Variants in PCNX2 observed in about 807,000 individuals in gnomAD.
The protein encoded by PCNX2 is pecanex-like protein 2.
In PCNX2, 168 loss-of-function variants were observed where a neutral mutation model predicts 223.8. The ratio of observed to expected loss-of-function variants is 0.75; its 90% CI spans 0.66 to 0.85. The LOEUF (loss-of-function observed/expected upper bound fraction) is 0.85, where lower values mean the gene tolerates loss of function less well. PCNX2 is among the 40% of genes least tolerant of loss of function. The pLI, the probability that PCNX2 is intolerant of heterozygous loss-of-function variation, is 0.00. For synonymous variants in PCNX2, 1,006 were observed against 1,052.6 expected (o/e 0.96, Z 0.86); for missense variants, 2,507 against 2,675.5 (o/e 0.94, Z 1.39).
intron 15 of PCNX2, among the ~76,000 whole-genome samples, chr1:233,193,727 G>T (rs555541982): frequency 2.0e-5 from 3 of 152,050 alleles, no homozygotes; most frequent in Non-Finnish European, 1.5e-5. Context: ...GGGTAATTTC[G>T]AAAGAAAAAT....
At chr1:233,223,584 C>T (rs1431496404) in intron 10 of PCNX2, among the ~76,000 whole-genome samples, 1 of 152,226 alleles carries the variant, frequency 6.6e-6, no homozygotes, top group East Asian at 1.9e-4. Flanking sequence ...CGTGCATTAG[C>T]TATTTGTCCG....
At chr1:233,112,981 A>T in intron 21 of PCNX2, 1 of 1,289,302 alleles carries the variant, frequency 7.8e-7, no homozygotes, top group South Asian at 1.2e-5. Flanking sequence ...GGAGGAGAAG[A>T]CAAGAAAGTG....
At chr1:233,111,944 G>A (rs1159908397) in intron 21 of PCNX2, among the ~76,000 whole-genome samples, 2 of 152,132 alleles carry the variant, frequency 1.3e-5, no homozygotes, top group Non-Finnish European at 2.9e-5. Flanking sequence ...GAATTTTTCC[G>A]ATTACTTCAT....
chr1:233,312,058 G>A, the PCNX2 span, among the ~76,000 whole-genome samples: 15 of 152,202 alleles, frequency 9.9e-5, no homozygotes, highest in African/African-American at 3.6e-4. Flanking sequence ...AACCCGGGAG[G>A]CGGAGGTTGC....
chr1:232,984,080 T>C lies in PCNX2; in HGVS notation c.*224A>G, dbSNP rs1418481608. ...GTTGCTTTTTTTTGTTTCCCCATCA[T>C]GTGAGGTTTTTTTGTTGTTGTTGTT... On this transcript the variant is annotated 3_prime_UTR_variant, in exon 34 of 34. Transcript: ENST00000258229. 2 of 412,162 alleles carry C rather than the reference T, an allele frequency of 4.9e-6. No homozygotes were observed. The highest frequency in any genetic ancestry group is 4.1e-6 in the Non-Finnish European group (1 of 244,558). 25.5% of individuals were successfully genotyped at this position (412,162 alleles called of 1,614,324 possible).
At position 233,001,404 on chromosome 1, in the gene PCNX2, G is replaced by A. The variant is rs113668455; in HGVS notation, c.5097+133C>T. On this transcript the variant is annotated intron_variant, in intron 29 of 33. Coordinates refer to ENST00000258229, the MANE Select transcript of PCNX2 (RefSeq NM_014801.4). This position sits in a 1 kb window ranked among gnomAD's most constrained non-coding sequence, Gnocchi z 4.2. ...TGTGGCAGGAGAATCGCTTGAACCC[G>A]GGAGGTGGAGGTTGTGGTGAGCCGA... The A allele has an allele frequency of 1.5e-5, 6 of 411,482 alleles. No individual in the cohort carries two copies. The highest frequency in any genetic ancestry group is 2.2e-5 in the African/African-American group (1 of 46,054). 25.5% of individuals were successfully genotyped at this position (411,482 alleles called of 1,614,324 possible).
At chr1:233,067,595 T>A (rs113268325) in intron 23 of PCNX2, among the ~76,000 whole-genome samples, 1,708 of 151,866 alleles carry the variant, frequency 0.011, 30 homozygotes, top group African/African-American at 0.039. Context: ...CACCTCAACC[T>A]CCCAAGTAAG....
intron 13 of PCNX2, among the ~76,000 whole-genome samples, chr1:233,208,229 G>T (rs934896684): frequency 1.3e-5 from 2 of 152,182 alleles, no homozygotes; most frequent in African/African-American, 4.8e-5. Context: ...GAAGTGCTAG[G>T]ATTACAGGTG....
chr1:233,028,545 T>C (rs1671161066), intron 25 of PCNX2, among the ~76,000 whole-genome samples: 1 of 152,238 alleles, frequency 6.6e-6, no homozygotes, highest in Admixed American at 6.5e-5. Flanking sequence ...CCAGGTTTCC[T>C]ATAATTAGTG....
intron 12 of PCNX2, chr1:233,210,419 A>T (rs978869204): frequency 1.5e-4 from 26 of 171,910 alleles, no homozygotes; most frequent in Admixed American, 4.6e-4. Flanking sequence ...CTGGGACTAC[A>T]GGCACCCGCC....
chr1:233,255,190 T>G (rs979394224), intron 5 of PCNX2, among the ~76,000 whole-genome samples: 1 of 152,084 alleles, frequency 6.6e-6, no homozygotes, highest in African/African-American at 2.4e-5. Context: ...CCATAATAAT[T>G]AGCCCGAAAT....
intron 28 of PCNX2, among the ~76,000 whole-genome samples, chr1:233,010,603 T>C (rs1052497278): frequency 1.3e-5 from 2 of 152,214 alleles, no homozygotes; most frequent in African/African-American, 4.8e-5. Flanking sequence ...TATTTTGACT[T>C]CCTACTAAAA....
chr1:233,022,925 G>A (rs971512095), intron 26 of PCNX2, among the ~76,000 whole-genome samples: 1 of 151,970 alleles, frequency 6.6e-6, no homozygotes, highest in African/African-American at 2.4e-5. Flanking sequence ...TTGAACTCCC[G>A]ACCTCAAGTG....
chr1:233,074,250 C>T (rs928139771), intron 23 of PCNX2, among the ~76,000 whole-genome samples: 20 of 152,032 alleles, frequency 1.3e-4, no homozygotes, highest in African/African-American at 2.9e-4. Flanking sequence ...AGTTTATGTA[C>T]GCTTGAAAAG....
intron 13 of PCNX2, among the ~76,000 whole-genome samples, chr1:233,203,497 T>G (rs570266649): frequency 6.6e-6 from 1 of 152,310 alleles, no homozygotes; most frequent in South Asian, 2.1e-4. Flanking sequence ...TGAGGGATCA[T>G]AAAAGAAAAA....
At chr1:233,195,254 C>T (rs1572055311) in intron 15 of PCNX2, among the ~76,000 whole-genome samples, 2 of 151,928 alleles carry the variant, frequency 1.3e-5, no homozygotes, top group South Asian at 4.1e-4. Flanking sequence ...AAAAAAGTGA[C>T]AAAATTTAAC....
Position 233,067,848 on chromosome 1 carries a change from C to T in PCNX2, c.4077-10558G>A, listed in dbSNP as rs141309508. Among the ~76,000 whole-genome samples the T allele has an allele frequency of 5.1e-3, 782 of 152,104 alleles. 6 individuals carry two copies. The highest frequency in any genetic ancestry group is 0.017 in the African/African-American group (721 of 41,468). On this transcript the variant is annotated intron_variant, in intron 23 of 33. Coordinates refer to ENST00000258229, the MANE Select transcript of PCNX2 (RefSeq NM_014801.4). ...AGAAAAGAATCATTGAACTGGAAGA[C>T]AGAACAACAGACTGCTGTCTGCAAT...
Position 233,267,800 on chromosome 1 carries a change from G to C in PCNX2, c.154-4637C>G, listed in dbSNP as rs540500770. Reference sequence around the variant, plus strand: ...ACATTTGGGTTCCATCTACCTTTTGGCTACTGTGAATAACGCTGCTCTCAA... The same window carrying C: ...ACATTTGGGTTCCATCTACCTTTTGCCTACTGTGAATAACGCTGCTCTCAA... On this transcript the variant is annotated intron_variant, in intron 1 of 33. Coordinates refer to ENST00000258229, the MANE Select transcript of PCNX2 (RefSeq NM_014801.4). Among the ~76,000 whole-genome samples the C allele has an allele frequency of 1.8e-4, 28 of 152,172 alleles. No homozygotes were observed. In the Middle Eastern group the frequency reaches 0.014, roughly 74 times the overall value.
chr1:232,985,849 C>A (rs1669454371), intron 33 of PCNX2: 1 of 609,306 alleles, frequency 1.6e-6, no homozygotes, highest in South Asian at 2.0e-5. Flanking sequence ...TCCGGTGACT[C>A]CTTTCAGTGC....
Sources: allele counts gnomAD v4.1 joint callset (sites outside exome capture counted in the v4.1 genomes callset), GRCh38; gene constraint gnomAD v4.1.1; non-coding constraint Gnocchi (gnomAD v3.1); transcripts MANE v1.5; gene names NCBI Gene and HGNC (gene_info 2026-07-23, HGNC 2026-07-21).